The following SEMA4B variants were observed in gnomAD, a reference collection of about 807,000 sequenced individuals.
SEMA4B encodes semaphorin 4B, also known as semaphorin-4B.
A neutral mutation model predicts 88.1 loss-of-function variants in SEMA4B; 55 were observed. The observed-to-expected ratio is 0.62, with a 90% CI of 0.50 to 0.78. The LOEUF (loss-of-function observed/expected upper bound fraction) is 0.78, where lower values mean the gene tolerates loss of function less well. SEMA4B is among the 30% of genes least tolerant of loss of function. The probability of loss-of-function intolerance (pLI) is 0.00; values close to 1 mark genes in which losing one functional copy is unlikely to be tolerated. For missense variants in SEMA4B, 1,062 were observed against 1,111.9 expected (o/e 0.96, Z 0.64); for synonymous variants, 525 against 473.6 (o/e 1.11, Z -1.41).
At chr15:90,207,278 C>T (rs997471912) in intron 1 of SEMA4B, among the ~76,000 whole-genome samples, 2 of 151,840 alleles carry the variant, frequency 1.3e-5, no homozygotes, top group South Asian at 2.1e-4. Context: ...AACAGGCTTC[C>T]GAGAGGTGGG....
intron 10 of SEMA4B, 47 bp from the exon 11 acceptor site, chr15:90,225,235 A>G (rs1327637017): frequency 1.9e-6 from 3 of 1,555,306 alleles, no homozygotes; most frequent in Non-Finnish European, 2.6e-6. Context: ...CTGGTGGGTC[A>G]TGGGCAGTGG....
chr15:90,190,930 C>T (rs893209442), intron 1 of SEMA4B, among the ~76,000 whole-genome samples: 9 of 152,160 alleles, frequency 5.9e-5, no homozygotes, highest in African/African-American at 1.4e-4. Flanking sequence ...AGCACACCAC[C>T]ACACCTGGCT....
At chr15:90,221,171 G>C in intron 5 of SEMA4B, 78 bp downstream of exon 5, 1 of 1,184,678 alleles carries the variant, frequency 8.4e-7, no homozygotes, top group Non-Finnish European at 1.2e-6. Flanking sequence ...CTTTGGACAG[G>C]CTGAGTCCAT....
intron 1 of SEMA4B, among the ~76,000 whole-genome samples, chr15:90,205,612 G>A (rs1439723484): frequency 6.6e-6 from 1 of 152,242 alleles, no homozygotes; most frequent in Non-Finnish European, 1.5e-5. Context: ...TATGTAAAGT[G>A]TTTGGCATGG....
chr15:90,221,897 C>A, intron 7 of SEMA4B, 132 bp downstream of exon 7: 1 of 730,130 alleles, frequency 1.4e-6, no homozygotes, highest in Non-Finnish European at 2.1e-6. Context: ...GCTTTTCTCT[C>A]TCACCTTTTA....
rs145624127 is a variant in SEMA4B at position 90,203,912 on chromosome 15, G to A, written c.157+2177G>A. The stretch of plus-strand genomic sequence containing the variant: ...CCTAGCTACCTGAACTTGTGAGCAC[G>A]TATCTATAGTCGACTGAGTTGCCAC... On this transcript the variant is annotated intron_variant, in intron 1 of 13. Coordinates refer to ENST00000411539, the MANE Select transcript of SEMA4B (RefSeq NM_198925.4). 1.1e-3 allele frequency among the ~76,000 whole-genome samples: 160 copies of A among 152,298 alleles called. 1 individual carries two copies. The highest frequency in any genetic ancestry group is 3.7e-3 in the African/African-American group (153 of 41,560).
chr15:90,190,953 AT>A (rs1567041507), intron 1 of SEMA4B, among the ~76,000 whole-genome samples: 1 of 152,110 alleles, frequency 6.6e-6, no homozygotes, highest in African/African-American at 2.4e-5. Flanking sequence ...TTTTTAATTT[AT>A]TTTTTGTAGA....
chr15:90,225,116 G>T lies in SEMA4B; in HGVS notation c.1343G>T (p.Arg448Leu). ...CTGCAGCCCCAGGCTCGCTACCAGC[G>T]CGTGGCTGTACACCGCGTCCCTGGC... ...LLLQPQARYQRVAVHRVPGLH... is the reference protein window; with the variant it reads ...LLLQPQARYQLVAVHRVPGLH... The change falls in exon 10 of 14, where the codon CGC (arginine) becomes CTC (leucine). Residue 448 changes from arginine to leucine, a missense_variant. Physicochemically the swap from Arg to Leu is moderately radical, Grantham distance 102 (BLOSUM62 -2). Transcript: ENST00000411539. 1 of 1,613,570 alleles carries T rather than the reference G, an allele frequency of 6.2e-7. No individual in the cohort carries two copies. The highest frequency in any genetic ancestry group is 8.5e-7 in the Non-Finnish European group (1 of 1,179,834).
chr15:90,229,579 G>A lies in SEMA4B; in HGVS notation c.*936G>A. The A allele has an allele frequency of 9.0e-6, 3 of 333,724 alleles. No homozygotes were observed. The highest frequency in any genetic ancestry group is 1.8e-5 in the Non-Finnish European group (3 of 168,626). 20.7% of individuals were successfully genotyped at this position (333,724 alleles called of 1,614,324 possible). On this transcript the variant is annotated 3_prime_UTR_variant, in exon 14 of 14. Coordinates refer to ENST00000411539, the MANE Select transcript of SEMA4B (RefSeq NM_198925.4). Reference sequence around the variant, plus strand: ...CAACACTGCCCAGCACAGGGGCCCTGAATTTATGTGGTTTTTATACATTTT... The same window carrying A: ...CAACACTGCCCAGCACAGGGGCCCTAAATTTATGTGGTTTTTATACATTTT...
At chr15:90,219,725 G>T in intron 3 of SEMA4B, 68 bp from the exon 4 acceptor site, 8 of 1,269,166 alleles carry the variant, frequency 6.3e-6, no homozygotes, top group South Asian at 2.6e-5. Context: ...TGGAAGGGGG[G>T]GCTCGGCGGT....
upstream of SEMA4B, among the ~76,000 whole-genome samples, chr15:90,197,721 G>A (rs1960559446): frequency 6.6e-6 from 1 of 151,850 alleles, no homozygotes; most frequent in Non-Finnish European, 1.5e-5. Context: ...ACAGGCGTGA[G>A]CCACCATGCC....
rs759137292 is a variant in SEMA4B at position 90,228,014 on chromosome 15, G to T, written c.1885G>T (p.Val629Phe). The T allele has an allele frequency of 1.2e-6, 2 of 1,613,914 alleles. No homozygotes were observed. Among genetic ancestry groups the T allele is most frequent in the Non-Finnish European group, 1.7e-6 (2 of 1,179,882 alleles). ...TRLWLRNGAP[V>F]NASASCHVLP... ...ACTCTGGCTACGCAACGGGGCCCCC[G>T]TCAATGCCTCGGCCTCCTGCCACGT... The change falls in exon 14 of 14, where the codon GTC becomes TTC. Residue 629 changes from valine to phenylalanine, a missense_variant. Physicochemically the swap from Val to Phe is conservative, Grantham distance 50. Transcript: ENST00000411539.
Position 90,212,737 on chromosome 15 carries a change from G to A in SEMA4B, c.158-4702G>A, listed in dbSNP as rs559993763. On this transcript the variant is annotated intron_variant, in intron 1 of 13. Transcript: ENST00000411539. The surrounding 1 kb of genome is among the most constrained non-coding windows in gnomAD (Gnocchi z 4.0). ...CTCTGGAGGTGACCCAAGCACCTGG[G>A]CCCTTAGACAGTAACACCACTCACA... 1.3e-4 allele frequency among the ~76,000 whole-genome samples: 20 copies of A among 152,230 alleles called. No homozygotes were observed. The highest frequency in any genetic ancestry group is 4.3e-4 in the African/African-American group (18 of 41,534).
chr15:90,204,670 G>A (rs931240310), intron 1 of SEMA4B, among the ~76,000 whole-genome samples: 3 of 152,132 alleles, frequency 2.0e-5, no homozygotes, highest in Admixed American at 6.5e-5. Context: ...AAACAATGGC[G>A]CCCAGTGCTT....
rs1961304355 is a variant in SEMA4B at position 90,212,218 on chromosome 15, C to A, written c.158-5221C>A. ...TGCAGGTGACTCTTATGTGCCCATT[C>A]CATGTGCCGTCTCCCTCCAGGGAGG... On this transcript the variant is annotated intron_variant, in intron 1 of 13. Coordinates refer to ENST00000411539, the MANE Select transcript of SEMA4B (RefSeq NM_198925.4). The surrounding 1 kb of genome is among the most constrained non-coding windows in gnomAD (Gnocchi z 4.0). Among the ~76,000 whole-genome samples, 1 of 152,112 alleles carries A rather than the reference C, an allele frequency of 6.6e-6. No individual in the cohort carries two copies. Among genetic ancestry groups the A allele is most frequent in the Non-Finnish European group, 1.5e-5 (1 of 68,014 alleles).
intron 1 of SEMA4B, among the ~76,000 whole-genome samples, chr15:90,207,976 G>A (rs904060942): frequency 6.6e-6 from 1 of 152,220 alleles, no homozygotes; most frequent in African/African-American, 2.4e-5. Context: ...AATTAGGCCA[G>A]GTGCGGTGGC....
Position 90,217,473 on chromosome 15 carries a change from T to C in SEMA4B, c.192T>C (p.Ala64=). The C allele has an allele frequency of 6.2e-7, 1 of 1,613,890 alleles. No homozygotes were observed. Among genetic ancestry groups the C allele is most frequent in the Non-Finnish European group, 8.5e-7 (1 of 1,179,860 alleles). ...SEERPFLRFE[A]EHISNYTALL... is the part of the protein sequence containing the mutation. ...AGCGGCCATTCCTCAGATTCGAAGC[T>C]GAACACATCTCCAACTACACAGCCC... The change falls in exon 2 of 14, where the codon GCT becomes GCC. Residue 64 remains alanine, a synonymous_variant. Transcript: ENST00000411539.
chr15:90,203,379 G>A (rs767615460), intron 1 of SEMA4B, among the ~76,000 whole-genome samples: 5 of 152,148 alleles, frequency 3.3e-5, no homozygotes, highest in Non-Finnish European at 5.9e-5. Flanking sequence ...GAGAAGGCAG[G>A]GTGAGATGGG....
rs1449667507 is a variant in SEMA4B at position 90,220,962 on chromosome 15, ATG to A, written c.484-16_484-15del. On this transcript the variant is annotated intron_variant, in intron 4 of 13. Coordinates refer to ENST00000411539, the MANE Select transcript of SEMA4B (RefSeq NM_198925.4). ...CATTCCCTGGAGTGCCCCTGAGCCC[ATG>A]TGTCCACCCTCCTGCAGAACATGGA... is the stretch of plus-strand genomic sequence containing the variant. 6.5e-7 allele frequency: 1 copy of A among 1,542,320 alleles called. No individual in the cohort carries two copies. Among genetic ancestry groups the A allele is most frequent in the East Asian group, 2.3e-5 (1 of 43,098 alleles).
Sources: allele counts gnomAD v4.1 joint callset (sites outside exome capture counted in the v4.1 genomes callset), GRCh38; gene constraint gnomAD v4.1.1; non-coding constraint Gnocchi (gnomAD v3.1); transcripts MANE v1.5; gene names NCBI Gene and HGNC (gene_info 2026-07-23, HGNC 2026-07-21).